MSANTD3: variants seen among roughly 807,000 people sequenced by gnomAD.
MSANTD3 encodes Myb/SANT DNA binding domain containing 3.
MSANTD3 carries 11 observed loss-of-function variants against 27.7 expected under a neutral mutation model. That is an observed-to-expected ratio of 0.40 (90% confidence interval 0.25 to 0.66). MSANTD3 has a LOEUF of 0.66. MSANTD3 is among the 30% of genes least tolerant of loss of function. The pLI, the probability that MSANTD3 is intolerant of heterozygous loss-of-function variation, is 0.41. For missense variants in MSANTD3, 250 were observed against 336.5 expected, an observed-to-expected ratio of 0.74 and a Z score of 2.01; for synonymous variants, 131 against 127.2, an observed-to-expected ratio of 1.03 and a Z score of -0.20.
rs746372660 is a variant in MSANTD3, at chr9:100,442,250, C to T, written c.312C>T (p.His104=). 1.9e-5 allele frequency: 30 copies of T among 1,614,028 alleles called. No homozygotes were observed. Among genetic ancestry groups the T allele is most frequent in the African/African-American group, 1.1e-4 (8 of 74,908 alleles). The change falls in exon 2 of 3, where the codon CAC becomes CAT. Residue 104 remains histidine (H), a synonymous_variant. Transcript: ENST00000395067. ...KRSVSPLLST[H]VLGKEKIASM... ...GCGTCAGCCCTCTCCTGAGTACCCA[C>T]GTCCTAGGGAAGGAGAAGATCGCCA...
intron 1 of MSANTD3, among the ~76,000 whole-genome samples, chr9:100,437,602 A>G (rs1419586849): frequency 2.0e-5 from 3 of 152,364 alleles, no homozygotes; most frequent in East Asian, 1.9e-4. Flanking sequence ...GCAGAATGCA[A>G]CCGCAAGGCC....
At chr9:100,432,135 G>A (rs1025481353) in intron 1 of MSANTD3, among the ~76,000 whole-genome samples, 3 of 152,146 alleles carry the variant, frequency 2.0e-5, no homozygotes, top group Non-Finnish European at 2.9e-5. Context: ...ACACTCAGGC[G>A]CAGATGATGA....
At chr9:100,430,427 G>C (rs1489816978) in intron 1 of MSANTD3, among the ~76,000 whole-genome samples, 1 of 152,106 alleles carries the variant, frequency 6.6e-6, no homozygotes, top group African/African-American at 2.4e-5. Flanking sequence ...GTCTGGTTAG[G>C]TTGAAAATAC....
Position 100,450,301 on chromosome 9 carries a change from G to A in MSANTD3, c.419-256G>A, listed in dbSNP as rs1487509013. On this transcript the variant is annotated intron_variant, in intron 2 of 2. Transcript: ENST00000395067. ...CTTGATAAAAATGGTTTCTGACCAC[G>A]GATCCCATACTTTGAAGTTCTAGAA... 2.6e-5 allele frequency among the ~76,000 whole-genome samples: 4 copies of A among 152,136 alleles called. No homozygotes were observed. In the East Asian group the frequency reaches 7.7e-4, roughly 29 times the overall value.
At chr9:100,448,106 A>T in intron 2 of MSANTD3, 1 of 563,540 alleles carries the variant, frequency 1.8e-6, no homozygotes, top group Non-Finnish European at 2.2e-6. Flanking sequence ...TGGGAGGGTC[A>T]CTTGAATCTG....
At position 100,451,279 on chromosome 9, in the gene MSANTD3, A is replaced by C. The variant is rs982062036; in HGVS notation, c.*313A>C. 4 of 248,310 alleles carry C rather than the reference A, an allele frequency of 1.6e-5. No homozygotes were observed. Among genetic ancestry groups the C allele is most frequent in the Non-Finnish European group, 3.1e-5 (4 of 130,218 alleles). 15.4% of individuals were successfully genotyped at this position (248,310 alleles called of 1,614,324 possible). On this transcript the variant is annotated 3_prime_UTR_variant, in exon 3 of 3. Transcript: ENST00000395067. ...TTGTTTTTTTTTTTAATCAAATGCA[A>C]GTGTGACTATAAAGGAGTGTGGCTG...
In MSANTD3 at chr9:100,448,390, C is replaced by CA. The variant is rs897791009; in HGVS notation, c.419-2163dup. The CA allele has an allele frequency of 3.0e-6, 3 of 984,974 alleles. No individual in the cohort carries two copies. The African/African-American group carries it at 5.3e-5, about 17-fold the overall frequency. 61.0% of individuals were successfully genotyped at this position (984,974 alleles called of 1,614,324 possible). A position where few individuals can be genotyped will look rare whatever the true frequency, so the allele number is the denominator to read the frequency against. ...TCTTCAAAGAAGACATTTTCAGATC[C>CA]AAAACTAGAAAGGAAACAGGTGAGG... On this transcript the variant is annotated intron_variant, in intron 2 of 2. Coordinates refer to ENST00000395067, the MANE Select transcript of MSANTD3 (RefSeq NM_080655.3).
Position 100,442,108 on chromosome 9 carries a change from A to G in MSANTD3, c.170A>G (p.Asn57Ser), listed in dbSNP as rs1836639533. The G allele has an allele frequency of 6.2e-7, 1 of 1,613,978 alleles. No individual in the cohort carries two copies. Among genetic ancestry groups the G allele is most frequent in the Non-Finnish European group, 8.5e-7 (1 of 1,180,016 alleles). ...TGGCAGGCGCTGGCCCACGAATACA[A>G]CTCTCAGCCCAGCGTGTCCCTGCGG... ...RTWQALAHEY[N>S]SQPSVSLRDF... The change falls in exon 2 of 3, where the codon AAC becomes AGC. Residue 57 changes from asparagine (N) to serine (S), a missense_variant. Around this residue, in one of 3 missense-constraint regions of MSANTD3, gnomAD observed 235 missense variants for 299.3 expected, o/e 0.79. Transcript: ENST00000395067.
At chr9:100,431,689 C>T (rs1007179773) in intron 1 of MSANTD3, among the ~76,000 whole-genome samples, 2 of 152,092 alleles carry the variant, frequency 1.3e-5, no homozygotes, top group Non-Finnish European at 2.9e-5. Context: ...TTCCATGCCT[C>T]GGAGCTCACC....
intron 1 of MSANTD3, among the ~76,000 whole-genome samples, chr9:100,439,990 T>C (rs1339768613): frequency 6.6e-6 from 1 of 152,186 alleles, no homozygotes; most frequent in Non-Finnish European, 1.5e-5. Flanking sequence ...ATTGCCGCAG[T>C]CAGTGTTGCT....
rs1836878146 is a variant in MSANTD3, at chr9:100,451,196, G to C, written c.*230G>C. Reference sequence around the variant, plus strand: ...TTATCACTATGAGTGCTATAATTCTGAATATAATGTCTCTTAATTAGAATT... The same window carrying C: ...TTATCACTATGAGTGCTATAATTCTCAATATAATGTCTCTTAATTAGAATT... On this transcript the variant is annotated 3_prime_UTR_variant, in exon 3 of 3. Coordinates refer to ENST00000395067, the MANE Select transcript of MSANTD3 (RefSeq NM_080655.3). 1 of 427,446 alleles carries C rather than the reference G, an allele frequency of 2.3e-6. No homozygotes were observed. Among genetic ancestry groups the C allele is most frequent in the Non-Finnish European group, 4.1e-6 (1 of 243,340 alleles). 26.5% of individuals were successfully genotyped at this position (427,446 alleles called of 1,614,324 possible).
At chr9:100,437,375 G>C (rs1378725005) in intron 1 of MSANTD3, among the ~76,000 whole-genome samples, 1 of 152,182 alleles carries the variant, frequency 6.6e-6, no homozygotes. Flanking sequence ...TGAAACAAGA[G>C]AGCTAAGCAG....
Position 100,441,069 on chromosome 9 carries a change from G to A in MSANTD3, c.-33-837G>A, listed in dbSNP as rs530913525. On this transcript the variant is annotated intron_variant, in intron 1 of 2. Coordinates refer to ENST00000395067, the MANE Select transcript of MSANTD3 (RefSeq NM_080655.3). ...TCCTGCCTCAGCCTCCTGACTAGCT[G>A]GGATTACAGGCGCACGCCACCACGC... 2.0e-5 allele frequency among the ~76,000 whole-genome samples: 3 copies of A among 150,418 alleles called. No homozygotes were observed. The South Asian group carries it at 6.3e-4, about 32-fold the overall frequency.
intron 2 of MSANTD3, chr9:100,445,155 A>G: frequency 6.4e-7 from 1 of 1,565,580 alleles, no homozygotes; most frequent in Non-Finnish European, 8.8e-7. Context: ...CATTTCACTC[A>G]TTTTGCATTT....
chr9:100,443,157 T>TG (rs1836669535), intron 2 of MSANTD3, among the ~76,000 whole-genome samples: 1 of 152,158 alleles, frequency 6.6e-6, no homozygotes, highest in Non-Finnish European at 1.5e-5. Context: ...CCCAGCACTT[T>TG]GGGAGGCTGA....
In MSANTD3 at chr9:100,433,826, C is replaced by CTTCA. The variant is rs1411072495; in HGVS notation, c.-34+6434_-34+6437dup. Among the ~76,000 whole-genome samples the CTTCA allele has an allele frequency of 2.0e-5, 3 of 152,270 alleles. No homozygotes were observed. In the East Asian group the frequency reaches 5.8e-4, roughly 29 times the overall value. ...CTTGTAGGGAGGGCTGCCACGTGTCCTTCAGTTCACCCACCACTTCTGAAT... is the reference window on the plus strand; with the variant it reads ...CTTGTAGGGAGGGCTGCCACGTGTCCTTCATTCAGTTCACCCACCACTTCTGAAT... On this transcript the variant is annotated intron_variant, in intron 1 of 2. Transcript: ENST00000395067.
intron 1 of MSANTD3, among the ~76,000 whole-genome samples, chr9:100,428,012 A>G (rs1244433938): frequency 2.0e-5 from 3 of 152,176 alleles, no homozygotes; most frequent in Admixed American, 1.3e-4. Flanking sequence ...GTAAATGATA[A>G]CAGCTAAATT....
At chr9:100,446,906 G>A (rs556512404) in intron 2 of MSANTD3, among the ~76,000 whole-genome samples, 1 of 151,792 alleles carries the variant, frequency 6.6e-6, no homozygotes, top group Middle Eastern at 3.5e-3. Flanking sequence ...ATACTCCATA[G>A]CATGCATCCA....
intron 1 of MSANTD3, among the ~76,000 whole-genome samples, chr9:100,432,113 A>G (rs1019923346): frequency 2.6e-5 from 4 of 152,202 alleles, no homozygotes; most frequent in Admixed American, 6.5e-5. Flanking sequence ...CTGGTTCTGC[A>G]TGCACACAGT....
Sources: gnomAD v4.1 joint callset for allele counts (sites outside exome capture counted in the v4.1 genomes callset) on GRCh38, gnomAD v4.1.1 for gene constraint, gnomAD v4.1.1 regional missense constraint, MANE v1.5 for transcripts, NCBI Gene and HGNC (gene_info 2026-07-23, HGNC 2026-07-21) for gene names.